JAG2: variants seen among roughly 807,000 people sequenced by gnomAD.
JAG2 encodes the protein protein jagged-2.
A neutral mutation model predicts 141.7 loss-of-function variants in JAG2; 46 were observed. That is an observed-to-expected ratio of 0.32 (90% CI 0.26 to 0.42). JAG2 has a LOEUF of 0.42. Ranked by LOEUF, JAG2 falls within the 10% of genes least tolerant of loss-of-function variation. The pLI is 1.00. For missense variants in JAG2, 1,500 were observed against 1,817.5 expected (o/e 0.83, Z 3.18); for synonymous variants, 862 against 763.5 (o/e 1.13, Z -2.13).
intron 12 of JAG2, 94 bp downstream of exon 12, chr14:105,150,510 C>G: frequency 1.5e-6 from 2 of 1,315,306 alleles, no homozygotes; most frequent in Non-Finnish European, 2.1e-6. Context: ...CCCTGCAGCA[C>G]CCCTGGGTCA....
Position 105,142,715 on chromosome 14 carries a change from G to A in JAG2, c.3697C>T (p.Arg1233Cys), listed in dbSNP as rs774739002. 2.0e-5 allele frequency: 32 copies of A among 1,604,330 alleles called. No individual in the cohort carries two copies. Among genetic ancestry groups the A allele is most frequent in the Middle Eastern group, 1.6e-4 (1 of 6,072 alleles). ...NRAVRSINEA[R>C]YAGKE The stretch of plus-strand genomic sequence containing the variant: ...CGCCCCTACTCCTTGCCGGCGTAGC[G>A]GGCCTCATTGATGCTCCTGACCGCG... Residue 1233 changes from arginine (R) to cysteine (C), a missense_variant, in exon 26 of 26, where the codon CGC becomes TGC. By Grantham distance (180) the Arg-to-Cys change is radical. Around this residue, in one of 3 missense-constraint regions of JAG2, gnomAD observed 425 missense variants for 441.0 expected, o/e 0.96. Coordinates refer to ENST00000331782, the MANE Select transcript of JAG2 (RefSeq NM_002226.5).
chr14:105,164,887 G>A (rs904724906), intron 2 of JAG2, among the ~76,000 whole-genome samples: 4 of 152,110 alleles, frequency 2.6e-5, no homozygotes, highest in Non-Finnish European at 5.9e-5. Context: ...GATGGCCCAG[G>A]ACCTCAGGCC....
chr14:105,167,473 G>A lies in JAG2; in HGVS notation c.417+284C>T, dbSNP rs1259588594. ...CGCCTCCCCACCCAGACAGACACGC[G>A]CAGGGCGACGCAGGCACACGCCGCA... On this transcript the variant is annotated intron_variant, in intron 2 of 25. Transcript: ENST00000331782. This position sits in a 1 kb window ranked among gnomAD's most constrained non-coding sequence, Gnocchi z 4.8. Among the ~76,000 whole-genome samples, 1 of 151,022 alleles carries A rather than the reference G, an allele frequency of 6.6e-6. No individual in the cohort carries two copies. The highest frequency in any genetic ancestry group is 6.6e-5 in the Admixed American group (1 of 15,180).
rs587681202 is a variant in JAG2 at position 105,152,303 on chromosome 14, A to T, written c.789-12T>A. On this transcript the variant is annotated splice_polypyrimidine_tract_variant and intron_variant, in intron 5 of 25. Coordinates refer to ENST00000331782, the MANE Select transcript of JAG2 (RefSeq NM_002226.5). Reference sequence around the variant, plus strand: ...AGCCGTAGCTGCACCTGGGGGAAGGAGGAGGGGCGCAAGACCCAGTGAGCT... The same window carrying T: ...AGCCGTAGCTGCACCTGGGGGAAGGTGGAGGGGCGCAAGACCCAGTGAGCT... The T allele has an allele frequency of 6.2e-7, 1 of 1,612,236 alleles. No individual in the cohort carries two copies. The highest frequency in any genetic ancestry group is 8.5e-7 in the Non-Finnish European group (1 of 1,179,534).
chr14:105,148,514 T>C, intron 15 of JAG2, 75 bp from the exon 16 acceptor site: 1 of 765,476 alleles, frequency 1.3e-6, no homozygotes, highest in Non-Finnish European at 1.9e-6. Context: ...GAGGAAGCAC[T>C]GGAGCTGGGC....
At chr14:105,165,592 G>A (rs936996600) in intron 2 of JAG2, among the ~76,000 whole-genome samples, 4 of 152,160 alleles carry the variant, frequency 2.6e-5, no homozygotes, top group Non-Finnish European at 5.9e-5. Context: ...CACAGACCCC[G>A]GCCACAAGAA....
chr14:105,146,388 G>C lies in JAG2; in HGVS notation c.2706C>G (p.Ser902Arg). ...CRCLDGRRDC[S>R]KVWCGWKPCL... The stretch of plus-strand genomic sequence containing the variant: ...GCGGCTCACGGGCTGCCCTCACCTT[G>C]CTGCAGTCACGGCGGCCATCCAGGC... The change falls in exon 22 of 26, where the codon AGC becomes AGG. Residue 902 changes from serine (S) to arginine (R), a missense_variant. Around this residue, in one of 3 missense-constraint regions of JAG2, gnomAD observed 875 missense variants for 1,202.2 expected, o/e 0.73. Transcript: ENST00000331782. 1 of 1,612,114 alleles carries C rather than the reference G, an allele frequency of 6.2e-7. No homozygotes were observed. Among genetic ancestry groups the C allele is most frequent in the Non-Finnish European group, 8.5e-7 (1 of 1,179,428 alleles).
rs1158383943 is a variant in JAG2, at chr14:105,154,724, G to C, written c.788+838C>G. On this transcript the variant is annotated intron_variant, in intron 5 of 25. Transcript: ENST00000331782. The surrounding 1 kb of genome is among the most constrained non-coding windows in gnomAD (Gnocchi z 4.4). Reference sequence around the variant, plus strand: ...CCCCCCACAGGCCCCGCGTGGCGCAGGCCAGGCCTCTCCCACGAGCTTTCT... The same window carrying C: ...CCCCCCACAGGCCCCGCGTGGCGCACGCCAGGCCTCTCCCACGAGCTTTCT... Among the ~76,000 whole-genome samples, 1 of 151,574 alleles carries C rather than the reference G, an allele frequency of 6.6e-6. No homozygotes were observed. Among genetic ancestry groups the C allele is most frequent in the African/African-American group, 2.4e-5 (1 of 41,178 alleles).
chr14:105,157,622 G>C, intron 3 of JAG2, 84 bp downstream of exon 3: 6 of 1,262,386 alleles, frequency 4.8e-6, no homozygotes, highest in Middle Eastern at 1.8e-4. Flanking sequence ...GCAAGGCTTT[G>C]TCCCAAGCAG....
chr14:105,155,017 G>A (rs958163040), intron 5 of JAG2, among the ~76,000 whole-genome samples: 4 of 35,778 alleles, frequency 1.1e-4, no homozygotes, highest in African/African-American at 4.5e-4. Flanking sequence ...ACCCCCACAT[G>A]CCCCACAGCG....
intron 22 of JAG2, 99 bp from the exon 23 acceptor site, chr14:105,146,072 A>G: frequency 6.6e-7 from 1 of 1,518,870 alleles, no homozygotes; most frequent in Non-Finnish European, 8.8e-7. Flanking sequence ...GCCCCATGCC[A>G]AGGAGGGACA....
rs1036053593 is a variant in JAG2 at position 105,154,029 on chromosome 14, C to T, written c.788+1533G>A. On this transcript the variant is annotated intron_variant, in intron 5 of 25. Coordinates refer to ENST00000331782, the MANE Select transcript of JAG2 (RefSeq NM_002226.5). The surrounding 1 kb of genome is among the most constrained non-coding windows in gnomAD (Gnocchi z 4.4). ...CTGTGTGTGCAAGTGACCGGGTGGG[C>T]GGCCCCAGCCCTGCTTGCCTCCCCG... Among the ~76,000 whole-genome samples, 2 of 152,182 alleles carry T rather than the reference C, an allele frequency of 1.3e-5. No individual in the cohort carries two copies. Among genetic ancestry groups the T allele is most frequent in the African/African-American group, 2.4e-5 (1 of 41,442 alleles).
intron 4 of JAG2, 30 bp from the exon 5 acceptor site, chr14:105,155,652 C>T: frequency 6.2e-7 from 1 of 1,612,416 alleles, no homozygotes; most frequent in South Asian, 1.1e-5. Flanking sequence ...AGAGGCACAG[C>T]TGCAGCCAGC....
chr14:105,157,233 A>G (rs1257644369), intron 3 of JAG2, among the ~76,000 whole-genome samples: 2 of 152,158 alleles, frequency 1.3e-5, no homozygotes, highest in Admixed American at 1.3e-4. Context: ...CCCCCTGCAC[A>G]GCCAGCCCGC....
At chr14:105,151,227 C>CCCCAGCAGA in intron 9 of JAG2, 56 bp downstream of exon 9, 1 of 1,535,594 alleles carries the variant, frequency 6.5e-7, no homozygotes, top group Non-Finnish European at 8.8e-7. Flanking sequence ...GCCCCAGCAG[C>CCCCAGCAGA]CCCCGCAGCC....
intron 4 of JAG2, 42 bp downstream of exon 4, chr14:105,155,696 G>T (rs587637520): frequency 2.5e-6 from 4 of 1,612,298 alleles, no homozygotes; most frequent in Non-Finnish European, 3.4e-6. Context: ...GGCCCTGCCC[G>T]AGGCCCTCCC....
At chr14:105,166,977 T>C (rs1456307551) in intron 2 of JAG2, among the ~76,000 whole-genome samples, 1 of 152,008 alleles carries the variant, frequency 6.6e-6, no homozygotes, top group East Asian at 1.9e-4. Context: ...CACCTACCAC[T>C]ACCCACCTGC....
At chr14:105,152,939 C>T (rs1293655974) in intron 5 of JAG2, among the ~76,000 whole-genome samples, 1 of 152,182 alleles carries the variant, frequency 6.6e-6, no homozygotes, top group Non-Finnish European at 1.5e-5. Flanking sequence ...CGCCCTGCCC[C>T]AGGCTATCGG....
intron 24 of JAG2, among the ~76,000 whole-genome samples, chr14:105,144,359 A>C (rs1595171983): frequency 3.4e-5 from 5 of 145,530 alleles, no homozygotes; most frequent in East Asian, 2.0e-4. Flanking sequence ...CATGTCCCCC[A>C]CCCCCTCTGC....
Sources: gnomAD v4.1 joint callset for allele counts (sites outside exome capture counted in the v4.1 genomes callset) on GRCh38, gnomAD v4.1.1 for gene constraint, gnomAD v4.1.1 regional missense constraint, Gnocchi (gnomAD v3.1) non-coding constraint, MANE v1.5 for transcripts, NCBI Gene and HGNC (gene_info 2026-07-23, HGNC 2026-07-21) for gene names.